GALNT18: variants seen among roughly 807,000 people sequenced by gnomAD.
The protein encoded by GALNT18 is GalNAc-transferase 18.
Under a neutral mutation model 69.5 loss-of-function variants are expected in GALNT18, and 44 were observed. That is an observed-to-expected ratio of 0.63 (90% CI 0.50 to 0.81). The LOEUF is 0.81. GALNT18 is among the 40% of genes least tolerant of loss of function. GALNT18 has a pLI of 0.00. For missense variants in GALNT18, 715 were observed against 810.0 expected (o/e 0.88, Z 1.42); for synonymous variants, 364 against 318.2 (o/e 1.14, Z -1.53).
Position 11,551,967 on chromosome 11 carries a change from G to A in GALNT18, c.235+69392C>T, listed in dbSNP as rs923692645. On this transcript the variant is annotated intron_variant, in intron 1 of 10. Coordinates refer to ENST00000227756, the MANE Select transcript of GALNT18 (RefSeq NM_198516.3). ...TTACAAAGTACATTGATCAGTTAAG[G>A]GTTGGGCAGAAACAAATCACAATGG... Among the ~76,000 whole-genome samples the A allele has an allele frequency of 8.5e-5, 13 of 152,302 alleles. No homozygotes were observed. The South Asian group carries it at 2.5e-3, about 29-fold the overall frequency.
At position 11,602,876 on chromosome 11, in the gene GALNT18, C is replaced by T. The variant is rs1199902951; in HGVS notation, c.235+18483G>A. ...ATAAGGGTGTATGGTCTGGCAAGAG[C>T]TTTGTGCTGCTTCCAGGTACAGGAG... On this transcript the variant is annotated intron_variant, in intron 1 of 10. Coordinates refer to ENST00000227756, the MANE Select transcript of GALNT18 (RefSeq NM_198516.3). This position sits in a 1 kb window ranked among gnomAD's most constrained non-coding sequence, Gnocchi z 4.7. 6.6e-6 allele frequency among the ~76,000 whole-genome samples: 1 copy of T among 152,134 alleles called. No homozygotes were observed. The highest frequency in any genetic ancestry group is 1.9e-4 in the East Asian group (1 of 5,196).
Position 11,543,193 on chromosome 11 carries a change from G to A in GALNT18, c.235+78166C>T, listed in dbSNP as rs1351512489. Among the ~76,000 whole-genome samples, 2 of 152,180 alleles carry A rather than the reference G, an allele frequency of 1.3e-5. No individual in the cohort carries two copies. The highest frequency in any genetic ancestry group is 4.8e-5 in the African/African-American group (2 of 41,464). The stretch of plus-strand genomic sequence containing the variant: ...GTAGAGCCTGCCAAATGGCTATAAT[G>A]TCTTGGATGTTTCTAGAACCTCATT... On this transcript the variant is annotated intron_variant, in intron 1 of 10. Coordinates refer to ENST00000227756, the MANE Select transcript of GALNT18 (RefSeq NM_198516.3). This position sits in a 1 kb window ranked among gnomAD's most constrained non-coding sequence, Gnocchi z 5.1.
Position 11,337,618 on chromosome 11 carries a change from G to A in GALNT18, c.1278+3201C>T, listed in dbSNP as rs927768912. On this transcript the variant is annotated intron_variant, in intron 7 of 10. Transcript: ENST00000227756. This position sits in a 1 kb window ranked among gnomAD's most constrained non-coding sequence, Gnocchi z 4.9. ...GGAGGGGGAGCTCTTCCCCCAGTTGGAGCTGGCTTTCTAGAGGAGGGACCC... is the reference window on the plus strand; with the variant it reads ...GGAGGGGGAGCTCTTCCCCCAGTTGAAGCTGGCTTTCTAGAGGAGGGACCC... 7.9e-5 allele frequency among the ~76,000 whole-genome samples: 12 copies of A among 152,114 alleles called. No homozygotes were observed. The highest frequency in any genetic ancestry group is 1.6e-4 in the Non-Finnish European group (11 of 68,038).
At chr11:11,294,689 G>A (rs1175162461) in intron 9 of GALNT18, among the ~76,000 whole-genome samples, 1 of 152,016 alleles carries the variant, frequency 6.6e-6, no homozygotes, top group Non-Finnish European at 1.5e-5. Context: ...CCCATGGGCT[G>A]TAGTTTGGGT....
chr11:11,446,976 G>A (rs906694799), intron 2 of GALNT18, among the ~76,000 whole-genome samples: 1 of 152,192 alleles, frequency 6.6e-6, no homozygotes, highest in Non-Finnish European at 1.5e-5. Flanking sequence ...TGTGGCCTTG[G>A]CATCAGGATT....
At chr11:11,308,445 GC>G (rs878928604) in intron 9 of GALNT18, among the ~76,000 whole-genome samples, 1 of 151,798 alleles carries the variant, frequency 6.6e-6, no homozygotes, top group East Asian at 1.9e-4. Flanking sequence ...TCCCTTCCTT[GC>G]CCTCCCTCCT....
chr11:11,377,024 T>C lies in GALNT18; in HGVS notation c.977+158A>G, dbSNP rs1024116469. On this transcript the variant is annotated intron_variant, in intron 5 of 10. Coordinates refer to ENST00000227756, the MANE Select transcript of GALNT18 (RefSeq NM_198516.3). The surrounding 1 kb of genome is among the most constrained non-coding windows in gnomAD (Gnocchi z 4.6). ...TGGATTCTGAGATCTTCAGAGCCTG[T>C]GGCAGTGACTGAAGATCAGACTGCA... is the stretch of plus-strand genomic sequence containing the variant. Among the ~76,000 whole-genome samples, 2 of 152,188 alleles carry C rather than the reference T, an allele frequency of 1.3e-5. No individual in the cohort carries two copies. The highest frequency in any genetic ancestry group is 2.4e-5 in the African/African-American group (1 of 41,450).
chr11:11,473,083 C>T (rs1856308801), intron 1 of GALNT18, among the ~76,000 whole-genome samples: 1 of 152,198 alleles, frequency 6.6e-6, no homozygotes, highest in Non-Finnish European at 1.5e-5. Context: ...ATCCCACTTA[C>T]TGCTCTTACT....
rs1044513655 is a variant in GALNT18 at position 11,493,593 on chromosome 11, C to G, written c.236-44657G>C. Among the ~76,000 whole-genome samples the G allele has an allele frequency of 1.7e-4, 26 of 152,108 alleles. 1 individual carries two copies. Among genetic ancestry groups the G allele is most frequent in the Non-Finnish European group, 5.9e-5 (4 of 68,042 alleles). ...TAAGTCTCCAGCACACAGTGATGCTCAGTAAGTGATTGTTGATTACAAAAT... is the reference window on the plus strand; with the variant it reads ...TAAGTCTCCAGCACACAGTGATGCTGAGTAAGTGATTGTTGATTACAAAAT... On this transcript the variant is annotated intron_variant, in intron 1 of 10. Transcript: ENST00000227756.
At chr11:11,512,851 C>T (rs755615254) in intron 1 of GALNT18, among the ~76,000 whole-genome samples, 4 of 152,306 alleles carry the variant, frequency 2.6e-5, no homozygotes, top group South Asian at 2.1e-4. Flanking sequence ...GGATGCCTCT[C>T]GACAAAGTCC....
rs1856831615 is a variant in GALNT18 at position 11,494,445 on chromosome 11, A to G, written c.236-45509T>C. Among the ~76,000 whole-genome samples the G allele has an allele frequency of 6.6e-6, 1 of 152,202 alleles. No homozygotes were observed. ...CATGCCCAGGACTGCCACATCCAAGAGGTTTCACACCATCTTAGTGTCCTG... is the reference window on the plus strand; with the variant it reads ...CATGCCCAGGACTGCCACATCCAAGGGGTTTCACACCATCTTAGTGTCCTG... On this transcript the variant is annotated intron_variant, in intron 1 of 10. Coordinates refer to ENST00000227756, the MANE Select transcript of GALNT18 (RefSeq NM_198516.3). This position sits in a 1 kb window ranked among gnomAD's most constrained non-coding sequence, Gnocchi z 5.7.
At chr11:11,386,331 C>T (rs969240327) in intron 3 of GALNT18, among the ~76,000 whole-genome samples, 1 of 152,092 alleles carries the variant, frequency 6.6e-6, no homozygotes. Context: ...GTCTCCCATC[C>T]CCACTCCCTC....
intron 3 of GALNT18, among the ~76,000 whole-genome samples, chr11:11,429,652 G>A (rs1257995870): frequency 1.3e-5 from 2 of 152,102 alleles, no homozygotes; most frequent in African/African-American, 2.4e-5. Flanking sequence ...AGAAAGAGAC[G>A]CTGAGAGGCT....
intron 9 of GALNT18, among the ~76,000 whole-genome samples, chr11:11,310,203 C>T (rs1470749035): frequency 6.6e-6 from 1 of 152,238 alleles, no homozygotes; most frequent in East Asian, 1.9e-4. Context: ...GGATGAAATG[C>T]TCCCTTGGAT....
rs926228885 is a variant in GALNT18, at chr11:11,396,912, C to T, written c.596-17648G>A. On this transcript the variant is annotated intron_variant, in intron 3 of 10. Transcript: ENST00000227756. The surrounding 1 kb of genome is among the most constrained non-coding windows in gnomAD (Gnocchi z 5.2). ...ACTTGCTGAGCTAACAACTTCCTCT[C>T]CCAGTGGCTGGAGAGAATGATGCCA... Among the ~76,000 whole-genome samples the T allele has an allele frequency of 1.3e-5, 2 of 152,098 alleles. No individual in the cohort carries two copies. The highest frequency in any genetic ancestry group is 2.9e-5 in the Non-Finnish European group (2 of 68,018).
chr11:11,579,216 C>T (rs375313129), intron 1 of GALNT18, among the ~76,000 whole-genome samples: 252 of 152,252 alleles, frequency 1.7e-3, no homozygotes, highest in Non-Finnish European at 2.5e-3. Flanking sequence ...GTCCTGCAGC[C>T]GTGGCATGGC....
intron 1 of GALNT18, among the ~76,000 whole-genome samples, chr11:11,556,271 T>C (rs1243920833): frequency 2.0e-5 from 3 of 152,220 alleles, no homozygotes. Context: ...GAAAACTCTA[T>C]GGGGTACCAT....
In GALNT18 at chr11:11,540,126, G is replaced by A. The variant is rs191359893; in HGVS notation, c.235+81233C>T. ...CGGTTTCTTTTTCTAAAAACTTAAG[G>A]CATTGGACTGGATTATTCTAAACAT... On this transcript the variant is annotated intron_variant, in intron 1 of 10. Coordinates refer to ENST00000227756, the MANE Select transcript of GALNT18 (RefSeq NM_198516.3). The surrounding 1 kb of genome is among the most constrained non-coding windows in gnomAD (Gnocchi z 4.6). Among the ~76,000 whole-genome samples, 8 of 152,258 alleles carry A rather than the reference G, an allele frequency of 5.3e-5. No homozygotes were observed. The highest frequency in any genetic ancestry group is 3.3e-4 in the Admixed American group (5 of 15,306).
At chr11:11,275,097 C>A (rs1476830761) in intron 10 of GALNT18, among the ~76,000 whole-genome samples, 1 of 152,204 alleles carries the variant, frequency 6.6e-6, no homozygotes, top group Non-Finnish European at 1.5e-5. Flanking sequence ...ATTTCTAGTT[C>A]TAGATCCTTG....
Sources: gnomAD v4.1 joint callset for allele counts (sites outside exome capture counted in the v4.1 genomes callset) on GRCh38, gnomAD v4.1.1 for gene constraint, Gnocchi (gnomAD v3.1) non-coding constraint, MANE v1.5 for transcripts, NCBI Gene and HGNC (gene_info 2026-07-23, HGNC 2026-07-21) for gene names.